The following NACC2 variants were observed in gnomAD, a reference collection of about 807,000 sequenced individuals.
NACC2 encodes the protein NACC family member 2.
Under a neutral mutation model 25.1 loss-of-function variants are expected in NACC2, and 8 were observed. The observed-to-expected ratio is 0.32, with a 90% confidence interval of 0.19 to 0.57. The LOEUF (loss-of-function observed/expected upper bound fraction) is 0.57. Among genes scored for constraint, NACC2 ranks in the 20% least tolerant of loss-of-function variants. NACC2 has a pLI of 0.89. For missense variants in NACC2, 644 were observed against 650.2 expected (o/e 0.99, Z 0.10); for synonymous variants, 435 against 294.7 (o/e 1.48, Z -4.88).
chr9:136,037,506 A>G (rs1367614129), intron 2 of NACC2, among the ~76,000 whole-genome samples: 1 of 135,488 alleles, frequency 7.4e-6, no homozygotes, highest in Non-Finnish European at 1.6e-5. Context: ...ATGCACTTAA[A>G]TTTTCATTTT....
At chr9:136,049,314 G>A (rs1005239210) in intron 2 of NACC2, among the ~76,000 whole-genome samples, 65 of 152,330 alleles carry the variant, frequency 4.3e-4, no homozygotes, top group African/African-American at 1.4e-3. Flanking sequence ...CCCGTACACC[G>A]CGTGGCGCCA....
At position 136,010,678 on chromosome 9, in the gene NACC2, T is replaced by C. The variant is rs1377902913; in HGVS notation, c.*838A>G. ...AAACCTAAAAAAAACAAGACAAGCATAATCCCAAAGTGGCTGAGGCGGCAG... is the reference window on the plus strand; with the variant it reads ...AAACCTAAAAAAAACAAGACAAGCACAATCCCAAAGTGGCTGAGGCGGCAG... On this transcript the variant is annotated 3_prime_UTR_variant, in exon 6 of 6. Coordinates refer to ENST00000277554, the MANE Select transcript of NACC2 (RefSeq NM_144653.5). This position sits in a 1 kb window ranked among gnomAD's most constrained non-coding sequence, Gnocchi z 4.9. The C allele has an allele frequency of 6.6e-6, 1 of 152,048 alleles. No individual in the cohort carries two copies. Among genetic ancestry groups the C allele is most frequent in the Non-Finnish European group, 1.5e-5 (1 of 68,018 alleles). 9.4% of individuals were successfully genotyped at this position (152,048 alleles called of 1,614,324 possible).
chr9:136,094,563 G>A (rs1192477022), intron 1 of NACC2, among the ~76,000 whole-genome samples: 2 of 152,164 alleles, frequency 1.3e-5, no homozygotes, highest in African/African-American at 4.8e-5. Flanking sequence ...CACAGAAGCT[G>A]GCAAGAGGCA....
rs1389950735 is a variant in NACC2, at chr9:136,010,928, CTGCACACACACGCACACACACACACTCG to C, written c.*560_*587del. The C allele has an allele frequency of 6.6e-6, 1 of 152,154 alleles. No individual in the cohort carries two copies. The highest frequency in any genetic ancestry group is 2.4e-5 in the African/African-American group (1 of 41,404). The allele number at this position is 152,154 out of a possible 1,614,324, so 9.4% of individuals were successfully genotyped here. The stretch of plus-strand genomic sequence containing the variant: ...CCATCACTGCCCCCTCACCACACCC[CTGCACACACACGCACACACACACACTCG>C]TGCACACACCCCACACAGGTGGAAG... On this transcript the variant is annotated 3_prime_UTR_variant, in exon 6 of 6. Transcript: ENST00000277554. This position sits in a 1 kb window ranked among gnomAD's most constrained non-coding sequence, Gnocchi z 4.9.
chr9:136,044,081 T>C (rs1202094273), intron 2 of NACC2, among the ~76,000 whole-genome samples: 1 of 152,010 alleles, frequency 6.6e-6, no homozygotes. Flanking sequence ...CACCTCAGCC[T>C]CCCAAAGTGC....
Position 136,086,332 on chromosome 9 carries a change from G to A in NACC2, c.-60+8857C>T, listed in dbSNP as rs962252005. 6.6e-6 allele frequency among the ~76,000 whole-genome samples: 1 copy of A among 152,182 alleles called. No homozygotes were observed. Among genetic ancestry groups the A allele is most frequent in the Non-Finnish European group, 1.5e-5 (1 of 68,018 alleles). On this transcript the variant is annotated intron_variant, in intron 1 of 5. Coordinates refer to ENST00000277554, the MANE Select transcript of NACC2 (RefSeq NM_144653.5). The surrounding 1 kb of genome is among the most constrained non-coding windows in gnomAD (Gnocchi z 5.6). ...CAGAGCTGGGAGGGGTTTGGGGGGT[G>A]GGGGTGCCTCTGTTTTCCTGCATCA...
intron 1 of NACC2, among the ~76,000 whole-genome samples, chr9:136,066,704 T>G (rs1184770827): frequency 6.6e-6 from 1 of 152,154 alleles, no homozygotes; most frequent in Non-Finnish European, 1.5e-5. Context: ...GCAGTATCAT[T>G]TGCAATAGCC....
At chr9:136,057,950 C>A (rs1247624725) in intron 1 of NACC2, among the ~76,000 whole-genome samples, 2 of 152,210 alleles carry the variant, frequency 1.3e-5, no homozygotes, top group African/African-American at 4.8e-5. Context: ...TCGCGGCACA[C>A]TCTCATGGTT....
chr9:136,088,733 C>T (rs543979618), intron 1 of NACC2, among the ~76,000 whole-genome samples: 57 of 152,246 alleles, frequency 3.7e-4, no homozygotes, highest in African/African-American at 1.4e-3. Context: ...TGACCCACTG[C>T]TTCATGCCTC....
intron 1 of NACC2, among the ~76,000 whole-genome samples, chr9:136,058,427 G>A (rs1840960768): frequency 6.6e-6 from 1 of 152,254 alleles, no homozygotes. Context: ...ACCTGCTCAG[G>A]AGGGGGCTCC....
intron 1 of NACC2, among the ~76,000 whole-genome samples, chr9:136,092,483 C>T (rs1031195143): frequency 4.6e-5 from 7 of 152,220 alleles, no homozygotes; most frequent in Admixed American, 2.0e-4. Context: ...CCTTGGAGGG[C>T]GCTCCACGGC....
chr9:136,079,105 C>A (rs1307046511), intron 1 of NACC2, among the ~76,000 whole-genome samples: 1 of 151,906 alleles, frequency 6.6e-6, no homozygotes, highest in Non-Finnish European at 1.5e-5. Context: ...GGGCACGTAA[C>A]CTGAAATCTA....
Position 136,006,687 on chromosome 9 carries a change from GA to G in NACC2, c.*4828del. 1 of 152,314 alleles carries G rather than the reference GA, an allele frequency of 6.6e-6. No individual in the cohort carries two copies. The highest frequency in any genetic ancestry group is 6.5e-5 in the Admixed American group (1 of 15,294). The allele number at this position is 152,314 out of a possible 1,614,324, so 9.4% of individuals were successfully genotyped here. On this transcript the variant is annotated 3_prime_UTR_variant, in exon 6 of 6. Coordinates refer to ENST00000277554, the MANE Select transcript of NACC2 (RefSeq NM_144653.5). Reference sequence around the variant, plus strand: ...GCCCTCGGTTTCCCTGTTCGCTTTTGAATGTTTCAGTTTTAGTTATTGATAC... The same window carrying G: ...GCCCTCGGTTTCCCTGTTCGCTTTTGATGTTTCAGTTTTAGTTATTGATAC...
At chr9:136,024,731 TGAGG>T (rs1840360591) in intron 2 of NACC2, among the ~76,000 whole-genome samples, 1 of 152,204 alleles carries the variant, frequency 6.6e-6, no homozygotes, top group South Asian at 2.1e-4. Context: ...ACTGTGGATA[TGAGG>T]GAGCAGCCAA....
intron 1 of NACC2, among the ~76,000 whole-genome samples, chr9:136,064,371 C>G (rs982461404): frequency 5.6e-5 from 8 of 142,398 alleles, no homozygotes; most frequent in Non-Finnish European, 1.3e-4. Context: ...AATATAAACT[C>G]AGTATACAAA....
intron 2 of NACC2, among the ~76,000 whole-genome samples, chr9:136,036,930 A>G (rs1014797727): frequency 6.6e-6 from 1 of 152,260 alleles, no homozygotes; most frequent in Non-Finnish European, 1.5e-5. Flanking sequence ...ATACAAAGCA[A>G]CACAAAGGCA....
intron 2 of NACC2, among the ~76,000 whole-genome samples, chr9:136,047,084 C>A (rs10118673): frequency 0.046 from 7,069 of 152,208 alleles, 434 homozygotes; most frequent in East Asian, 0.19. Context: ...GCTCAGCCTG[C>A]AGGGACCTTA....
chr9:136,042,031 G>GT, intron 2 of NACC2, among the ~76,000 whole-genome samples: 1 of 152,194 alleles, frequency 6.6e-6, no homozygotes. Context: ...GTCTCACTCT[G>GT]TGGCCCAGGC....
At chr9:136,031,853 C>T (rs546357220) in intron 2 of NACC2, among the ~76,000 whole-genome samples, 4 of 152,352 alleles carry the variant, frequency 2.6e-5, no homozygotes, top group African/African-American at 9.6e-5. Context: ...TTACTGCTGC[C>T]TCCAGGCCCT....
Sources: allele counts gnomAD v4.1 joint callset (sites outside exome capture counted in the v4.1 genomes callset), GRCh38; gene constraint gnomAD v4.1.1; non-coding constraint Gnocchi (gnomAD v3.1); transcripts MANE v1.5; gene names NCBI Gene and HGNC (gene_info 2026-07-23, HGNC 2026-07-21).